SMO: variants seen among roughly 807,000 people sequenced by gnomAD.
The protein encoded by SMO is smoothened, frizzled class receptor.
SMO carries 40 observed loss-of-function variants against 81.6 expected under a neutral mutation model. The observed-to-expected ratio is 0.49, with a 90% CI of 0.38 to 0.64. SMO has a LOEUF of 0.64. Among genes scored for constraint, SMO ranks in the 30% least tolerant of loss-of-function variants. The pLI, the probability that SMO is intolerant of heterozygous loss-of-function variation, is 0.00. For missense variants in SMO, 916 were observed against 1,061.1 expected, an observed-to-expected ratio of 0.86 and a Z score of 1.90; for synonymous variants, 434 against 432.1, an observed-to-expected ratio of 1.00 and a Z score of -0.05.
intron 1 of SMO, among the ~76,000 whole-genome samples, chr7:129,194,845 C>T (rs535621182): frequency 4.6e-5 from 7 of 152,220 alleles, no homozygotes; most frequent in South Asian, 2.1e-4. Flanking sequence ...TGCAGTGGCG[C>T]GATCTCGGCT....
intron 1 of SMO, among the ~76,000 whole-genome samples, chr7:129,200,965 G>A (rs188353320): frequency 5.3e-5 from 8 of 152,158 alleles, no homozygotes; most frequent in East Asian, 1.9e-4. Flanking sequence ...TCAAACTCCC[G>A]ACCTCAAGTG....
rs531280601 is a variant in SMO, at chr7:129,208,413, T to C, written c.1265-346T>C. Among the ~76,000 whole-genome samples the C allele has an allele frequency of 2.6e-3, 393 of 151,790 alleles. 2 individuals carry two copies. Among genetic ancestry groups the C allele is most frequent in the African/African-American group, 9.1e-3 (376 of 41,378 alleles). ...TTACAATGAGCCGAGATCACGCCAT[T>C]GCACTCCAGCCTGGGCGACAGGGTT... is the stretch of plus-strand genomic sequence containing the variant. On this transcript the variant is annotated intron_variant, in intron 6 of 11. Coordinates refer to ENST00000249373, the MANE Select transcript of SMO (RefSeq NM_005631.5). This position sits in a 1 kb window ranked among gnomAD's most constrained non-coding sequence, Gnocchi z 5.2.
At position 129,210,814 on chromosome 7, in the gene SMO, T is replaced by G. The variant is rs1793856834; in HGVS notation, c.1653-151T>G. On this transcript the variant is annotated intron_variant, in intron 9 of 11. Transcript: ENST00000249373. This position sits in a 1 kb window ranked among gnomAD's most constrained non-coding sequence, Gnocchi z 4.7. ...GCTCTGCATTCTGGCCCCACTTCTT[T>G]GCAGAGAAGGCCTCTACTCCTGAGT... 2 of 799,136 alleles carry G rather than the reference T, an allele frequency of 2.5e-6. No individual in the cohort carries two copies. The highest frequency in any genetic ancestry group is 5.8e-5 in the Admixed American group (2 of 34,338). The allele number at this position is 799,136 out of a possible 1,614,324, so 49.5% of individuals were successfully genotyped here. A position where few individuals can be genotyped will look rare whatever the true frequency, so the allele number is the denominator to read the frequency against.
chr7:129,194,390 C>A (rs193089244), intron 1 of SMO, among the ~76,000 whole-genome samples: 100 of 152,194 alleles, frequency 6.6e-4, no homozygotes, highest in African/African-American at 2.3e-3. Flanking sequence ...TGCTTCAGAT[C>A]TTTAACTTTT....
At position 129,206,394 on chromosome 7, in the gene SMO, G is replaced by A. The variant is rs1793766372; in HGVS notation, c.1140+25G>A. The A allele has an allele frequency of 6.2e-7, 1 of 1,614,120 alleles. No individual in the cohort carries two copies. The highest frequency in any genetic ancestry group is 8.5e-7 in the Non-Finnish European group (1 of 1,179,956). ...GGTATAGTGACTGGTAGGAACGGGA[G>A]ACCTGGATGGGGTGAGTTTGAGGGA... On this transcript the variant is annotated intron_variant, in intron 5 of 11. Transcript: ENST00000249373. The surrounding 1 kb of genome is among the most constrained non-coding windows in gnomAD (Gnocchi z 4.4).
rs137959791 is a variant in SMO, at chr7:129,211,575, G to A, written c.1802-61G>A. The A allele has an allele frequency of 4.3e-4, 675 of 1,574,618 alleles. 2 individuals carry two copies. The African/African-American group carries it at 8.0e-3, about 19-fold the overall frequency. On this transcript the variant is annotated intron_variant, in intron 10 of 11. Coordinates refer to ENST00000249373, the MANE Select transcript of SMO (RefSeq NM_005631.5). The surrounding 1 kb of genome is among the most constrained non-coding windows in gnomAD (Gnocchi z 4.6). ...AAGATGAATGGCACTGACTATGGGA[G>A]GCACTGCCAGGGACCGGGAAGTCAC...
Position 129,210,510 on chromosome 7 carries a change from C to T in SMO, c.1614C>T (p.Thr538=), listed in dbSNP as rs2150653965. ...TCGCCATGAGCACCTGGGTCTGGACCAAGGCCACGCTGCTCATCTGGAGGC... is the reference window on the plus strand; with the variant it reads ...TCGCCATGAGCACCTGGGTCTGGACTAAGGCCACGCTGCTCATCTGGAGGC... ...TGIAMSTWVW[T]KATLLIWRRT... Residue 538 remains threonine (T), a synonymous_variant, in exon 9 of 12, where the codon ACC becomes ACT. Transcript: ENST00000249373. This position sits in a 1 kb window ranked among gnomAD's most constrained non-coding sequence, Gnocchi z 4.7. 1 of 1,614,150 alleles carries T rather than the reference C, an allele frequency of 6.2e-7. No homozygotes were observed. The highest frequency in any genetic ancestry group is 1.3e-5 in the African/African-American group (1 of 75,040).
chr7:129,196,047 G>C (rs897201176), intron 1 of SMO, among the ~76,000 whole-genome samples: 1 of 149,030 alleles, frequency 6.7e-6, no homozygotes, highest in South Asian at 2.1e-4. Flanking sequence ...CTTGCAGTGA[G>C]CCGAGATCGT....
rs1295781595 is a variant in SMO, at chr7:129,211,062, G to A, written c.1750G>A (p.Gly584Ser). Residue 584 changes from glycine to serine, a missense_variant, in exon 10 of 12, where the codon GGC becomes AGC. Gly to Ser is a moderately conservative substitution (Grantham distance 56). Coordinates refer to ENST00000249373, the MANE Select transcript of SMO (RefSeq NM_005631.5). The surrounding 1 kb of genome is among the most constrained non-coding windows in gnomAD (Gnocchi z 4.6). ...SKRHELLQNPGQELSFSMHTV... is the reference protein window; with the variant it reads ...SKRHELLQNPSQELSFSMHTV... ...GCGGCACGAGCTCCTGCAGAACCCA[G>A]GCCAGGAGCTGTCCTTCAGCATGCA... 2 of 1,613,808 alleles carry A rather than the reference G, an allele frequency of 1.2e-6. No individual in the cohort carries two copies. Among genetic ancestry groups the A allele is most frequent in the East Asian group, 2.2e-5 (1 of 44,884 alleles).
In SMO at chr7:129,210,450, G is replaced by T; in HGVS notation, c.1554G>T (p.Glu518Asp). The T allele has an allele frequency of 6.2e-7, 1 of 1,614,196 alleles. No individual in the cohort carries two copies. The highest frequency in any genetic ancestry group is 8.5e-7 in the Non-Finnish European group (1 of 1,180,014). The part of the protein sequence containing the change: ...EIKNRPSLLV[E>D]KINLFAMFGT... ...AGAATCGCCCGAGCCTTCTGGTGGA[G>T]AAGATCAACCTGTTTGCCATGTTTG... Residue 518 changes from glutamate (E) to aspartate (D), a missense_variant, in exon 9 of 12, where the codon GAG becomes GAT. Transcript: ENST00000249373. The surrounding 1 kb of genome is among the most constrained non-coding windows in gnomAD (Gnocchi z 4.7).
In SMO at chr7:129,206,742, C is replaced by T. The variant is rs113087478; in HGVS notation, c.1264+155C>T. Among the ~76,000 whole-genome samples, 81 of 152,314 alleles carry T rather than the reference C, an allele frequency of 5.3e-4. No homozygotes were observed. The highest frequency in any genetic ancestry group is 3.1e-3 in the East Asian group (16 of 5,182). On this transcript the variant is annotated intron_variant, in intron 6 of 11. Coordinates refer to ENST00000249373, the MANE Select transcript of SMO (RefSeq NM_005631.5). This position sits in a 1 kb window ranked among gnomAD's most constrained non-coding sequence, Gnocchi z 4.4. ...AGTAGAAGGTGACCCTCTAGGCAGA[C>T]GAAACACCGTGAGCACTTGCTGCGG...
In SMO at chr7:129,189,211, GCTGCTGCT is replaced by G; in HGVS notation, c.61_68del (p.Leu21GlyfsTer112). On this transcript the variant is annotated frameshift_variant, in exon 1 of 12. Transcript: ENST00000249373. LOFTEE classifies it high-confidence loss of function. This position sits in a 1 kb window ranked among gnomAD's most constrained non-coding sequence, Gnocchi z 4.7. ...TCCCGCTCCTGGGGCTGCTGCTGCT[GCTGCTGCT>G]GGGGGACCCGGGCCGGGGGGCGGCC... 1 of 1,166,296 alleles carries G rather than the reference GCTGCTGCT, an allele frequency of 8.6e-7. No individual in the cohort carries two copies. Among genetic ancestry groups the G allele is most frequent in the Non-Finnish European group, 1.1e-6 (1 of 931,102 alleles). 72.2% of individuals were successfully genotyped at this position (1,166,296 alleles called of 1,614,324 possible). A position where few individuals can be genotyped will look rare whatever the true frequency, so the allele number is the denominator to read the frequency against.
chr7:129,191,803 A>C (rs1216672646), intron 1 of SMO, among the ~76,000 whole-genome samples: 1 of 152,084 alleles, frequency 6.6e-6, no homozygotes, highest in Non-Finnish European at 1.5e-5. Context: ...ACTTTTTTTC[A>C]AAGCCTGTGA....
chr7:129,206,712 C>CAA lies in SMO; in HGVS notation c.1264+126_1264+127insAA. On this transcript the variant is annotated intron_variant, in intron 6 of 11. Transcript: ENST00000249373. The surrounding 1 kb of genome is among the most constrained non-coding windows in gnomAD (Gnocchi z 4.4). ...CCCCAGCTAGCTCCTATAGGGCCTTCACACAGTAGAAGGTGACCCTCTAGG... is the reference window on the plus strand; with the variant it reads ...CCCCAGCTAGCTCCTATAGGGCCTTCAAACACAGTAGAAGGTGACCCTCTAGG... The CAA allele has an allele frequency of 1.1e-6, 1 of 927,824 alleles. No individual in the cohort carries two copies. The highest frequency in any genetic ancestry group is 1.6e-5 in the South Asian group (1 of 64,042). The allele number at this position is 927,824 out of a possible 1,614,324, so 57.5% of individuals were successfully genotyped here. A position where few individuals can be genotyped will look rare whatever the true frequency, so the allele number is the denominator to read the frequency against.
chr7:129,195,943 T>G (rs1002204492), intron 1 of SMO, among the ~76,000 whole-genome samples: 3 of 151,530 alleles, frequency 2.0e-5, no homozygotes, highest in Non-Finnish European at 4.4e-5. Flanking sequence ...CTACTAAAAA[T>G]ACAAAAAATT....
At position 129,188,996 on chromosome 7, in the gene SMO, G is replaced by A; in HGVS notation, c.-156G>A. The A allele has an allele frequency of 5.3e-6, 3 of 565,764 alleles. No individual in the cohort carries two copies. The allele number at this position is 565,764 out of a possible 1,614,324, so 35.0% of individuals were successfully genotyped here. A position where few individuals can be genotyped will look rare whatever the true frequency, so the allele number is the denominator to read the frequency against. On this transcript the variant is annotated 5_prime_UTR_variant, in exon 1 of 12. Transcript: ENST00000249373. This position sits in a 1 kb window ranked among gnomAD's most constrained non-coding sequence, Gnocchi z 4.9. The stretch of plus-strand genomic sequence containing the variant: ...GCGAAGTTGGGCGCCGAGGGGCCGG[G>A]GCGCGCGGAGCGTCCGGGGGGGCCC...
At chr7:129,204,098 C>G (rs1009725689) in intron 2 of SMO, among the ~76,000 whole-genome samples, 1 of 151,716 alleles carries the variant, frequency 6.6e-6, no homozygotes, top group Admixed American at 6.6e-5. Flanking sequence ...TTTGGGAGGT[C>G]GAGGTGGGCA....
At chr7:129,203,778 CTATT>C (rs1793711698) in intron 2 of SMO, among the ~76,000 whole-genome samples, 189 bp downstream of exon 2, 2 of 152,300 alleles carry the variant, frequency 1.3e-5, no homozygotes, top group Admixed American at 6.5e-5. Flanking sequence ...TAGGGATTCT[CTATT>C]TATTTATCAA....
chr7:129,205,450 C>G (rs2150648678), intron 3 of SMO, 38 bp downstream of exon 3: 2 of 1,590,088 alleles, frequency 1.3e-6, no homozygotes, highest in Non-Finnish European at 1.7e-6. Flanking sequence ...GGCCCTCAGC[C>G]TGGAACGTGG....
Sources: allele counts gnomAD v4.1 joint callset (sites outside exome capture counted in the v4.1 genomes callset), GRCh38; gene constraint gnomAD v4.1.1; non-coding constraint Gnocchi (gnomAD v3.1); transcripts MANE v1.5; gene names NCBI Gene and HGNC (gene_info 2026-07-23, HGNC 2026-07-21).